The following SYNE1 variants were observed in gnomAD, a reference collection of about 807,000 sequenced individuals.
SYNE1 encodes spectrin repeat containing nuclear envelope protein 1, also known as nesprin-1.
In SYNE1, 616 loss-of-function variants were observed where a neutral mutation model predicts 1,111.0. The ratio of observed to expected loss-of-function variants is 0.55; its 90% CI spans 0.52 to 0.59. The LOEUF is 0.59. Ranked by LOEUF, SYNE1 falls within the 20% of genes least tolerant of loss-of-function variation. The pLI is 0.00. For missense variants in SYNE1, 10,006 were observed against 10,417.0 expected (o/e 0.96, Z 1.72); for synonymous variants, 3,855 against 3,825.8 (o/e 1.01, Z -0.28).
intron 77 of SYNE1, among the ~76,000 whole-genome samples, chr6:152,332,593 A>C (rs1340226333): frequency 6.6e-6 from 1 of 152,212 alleles, no homozygotes; most frequent in African/African-American, 2.4e-5. Context: ...TGATACTGAA[A>C]GAAATTAATA....
chr6:152,482,174 C>T lies in SYNE1; in HGVS notation c.1350+911G>A, dbSNP rs80293569. Among the ~76,000 whole-genome samples the T allele has an allele frequency of 4.3e-3, 649 of 152,120 alleles. 8 individuals are homozygous for T. Among genetic ancestry groups the T allele is most frequent in the African/African-American group, 0.015 (617 of 41,492 alleles). On this transcript the variant is annotated intron_variant, in intron 14 of 145. Coordinates refer to ENST00000367255, the MANE Select transcript of SYNE1 (RefSeq NM_182961.4). ...TCTGTCAAGTTGAAATGGCCAAGAT[C>T]GGCAATGGCATCACATCTCTGTGTC...
intron 137 of SYNE1, chr6:152,145,383 C>T: frequency 1.8e-6 from 2 of 1,105,350 alleles, no homozygotes; most frequent in South Asian, 1.3e-5. Flanking sequence ...TGTGCCTTAA[C>T]ATGCTAGAGC....
rs372944393 is a variant in SYNE1 at position 152,294,117 on chromosome 6, T to C, written c.17693A>G (p.Tyr5898Cys). ...CCTCTCAGCAGACAAGGCTTGGTAA[T>C]ATGCAATGTCCTGTGAGTGCAAAGC... Reference protein sequence around the residue: ...TDASVNQDIAYYQALSAERLQ... With the variant: ...TDASVNQDIACYQALSAERLQ... Residue 5898 changes from tyrosine to cysteine, a missense_variant, in exon 94 of 146, where the codon TAT (tyrosine) becomes TGT (cysteine). Physicochemically the swap from Tyr to Cys is radical, Grantham distance 194. Coordinates refer to ENST00000367255, the MANE Select transcript of SYNE1 (RefSeq NM_182961.4). 2 of 1,613,644 alleles carry C rather than the reference T, an allele frequency of 1.2e-6. No individual in the cohort carries two copies. Among genetic ancestry groups the C allele is most frequent in the Middle Eastern group, 1.8e-4 (1 of 5,714 alleles).
At chr6:152,241,680 G>A (rs1185378361) in intron 107 of SYNE1, among the ~76,000 whole-genome samples, 1 of 152,158 alleles carries the variant, frequency 6.6e-6, no homozygotes, top group Non-Finnish European at 1.5e-5. Context: ...ACAGCAACTA[G>A]AGGAGCATAT....
intron 73 of SYNE1, among the ~76,000 whole-genome samples, chr6:152,345,353 T>A (rs1027886836): frequency 6.6e-6 from 1 of 152,196 alleles, no homozygotes; most frequent in Non-Finnish European, 1.5e-5. Context: ...ATGTGTAGCC[T>A]CATTTTCTCT....
At position 152,260,898 on chromosome 6, in the gene SYNE1, C is replaced by T. The variant is rs138757320; in HGVS notation, c.18972+1134G>A. ...CAGGCAGTAATGCTCACCTGCCTGC[C>T]GCTCACCTCTTGCTGTGAGGTCCAG... On this transcript the variant is annotated intron_variant, in intron 101 of 145. Coordinates refer to ENST00000367255, the MANE Select transcript of SYNE1 (RefSeq NM_182961.4). 1.4e-3 allele frequency among the ~76,000 whole-genome samples: 206 copies of T among 152,152 alleles called. 3 individuals are homozygous for T. The highest frequency in any genetic ancestry group is 4.7e-3 in the African/African-American group (196 of 41,506).
Position 152,353,592 on chromosome 6 carries a change from C to T in SYNE1, c.11079G>A (p.Val3693=). 1 of 1,614,210 alleles carries T rather than the reference C, an allele frequency of 6.2e-7. No individual in the cohort carries two copies. The highest frequency in any genetic ancestry group is 8.5e-7 in the Non-Finnish European group (1 of 1,180,030). ...GAGCACCTGGTGACCCACTCACCAG[C>T]ACTTGGAGAAGCAGGGCCTGGTATC... ...TSRYQALLLQ[V]LEQIKFLEEE... Residue 3693 remains valine, a synonymous_variant, in exon 68 of 146, where the codon GTG becomes GTA. Transcript: ENST00000367255.
chr6:152,411,655 CTGAGCACAGTGCCTA>C (rs149199357), intron 42 of SYNE1, among the ~76,000 whole-genome samples: 2,096 of 152,066 alleles, frequency 0.014, 46 homozygotes, highest in African/African-American at 0.048. Flanking sequence ...TGTGCCAATT[CTGAGCACAGTGCCTA>C]TGAGTTAGTT....
chr6:152,432,269 T>C (rs530253016), intron 34 of SYNE1, among the ~76,000 whole-genome samples: 25 of 152,174 alleles, frequency 1.6e-4, no homozygotes, highest in Non-Finnish European at 2.9e-4. Flanking sequence ...CTTTTAATCC[T>C]AAGATCGTTT....
chr6:152,584,026 A>G (rs1236512602), intron 3 of SYNE1, among the ~76,000 whole-genome samples: 1 of 152,218 alleles, frequency 6.6e-6, no homozygotes, highest in Non-Finnish European at 1.5e-5. Flanking sequence ...GGGGTTATGA[A>G]CAGAAGCTCT....
rs748695956 is a variant in SYNE1 at position 152,330,473 on chromosome 6, C to CT, written c.14211dup (p.Glu4738ArgfsTer34). On this transcript the variant is annotated frameshift_variant, in exon 78 of 146. Transcript: ENST00000367255. LOFTEE classifies it high-confidence loss of function. ...GGCTGACCTGTGCTGCGAAAACCTT[C>CT]TTTTTTCTGGTTCAGTTCATCCACC... The CT allele has an allele frequency of 1.9e-6, 3 of 1,614,032 alleles. No homozygotes were observed. The highest frequency in any genetic ancestry group is 8.5e-7 in the Non-Finnish European group (1 of 1,180,036).
In SYNE1 at chr6:152,226,728, T is replaced by G. The variant is rs115063485; in HGVS notation, c.21196-852A>C. Among the ~76,000 whole-genome samples, 312 of 152,256 alleles carry G rather than the reference T, an allele frequency of 2.0e-3. 1 individual carries two copies. The highest frequency in any genetic ancestry group is 7.2e-3 in the African/African-American group (300 of 41,560). Reference sequence around the variant, plus strand: ...GAAGATCAAGTCATCCGACCTGTCTTGGGTAAAAGAGCTGGTGAGGGATGG... The same window carrying G: ...GAAGATCAAGTCATCCGACCTGTCTGGGGTAAAAGAGCTGGTGAGGGATGG... On this transcript the variant is annotated intron_variant, in intron 115 of 145. Transcript: ENST00000367255.
At chr6:152,595,237 C>A (rs2099577603) in intron 3 of SYNE1, among the ~76,000 whole-genome samples, 1 of 152,210 alleles carries the variant, frequency 6.6e-6, no homozygotes, top group South Asian at 2.1e-4. Flanking sequence ...AAACACATAT[C>A]CTCACCCTTG....
At chr6:152,369,951 C>T (rs2097149603) in intron 59 of SYNE1, among the ~76,000 whole-genome samples, 1 of 134,244 alleles carries the variant, frequency 7.4e-6, no homozygotes, top group Admixed American at 8.4e-5. Context: ...CCACTGCACT[C>T]CAGCCTGGGT....
chr6:152,337,509 G>A (rs894425704), intron 75 of SYNE1, among the ~76,000 whole-genome samples: 5 of 152,116 alleles, frequency 3.3e-5, no homozygotes, highest in African/African-American at 9.7e-5. Context: ...GGCTGGTCTC[G>A]AACTCCCAAC....
chr6:152,387,403 A>T, intron 53 of SYNE1, 22 bp from the exon 54 acceptor site: 1 of 1,610,942 alleles, frequency 6.2e-7, no homozygotes, highest in Non-Finnish European at 8.5e-7. Context: ...GTCACATATT[A>T]ACAAAAATGA....
chr6:152,599,278 C>T (rs1296507268), intron 3 of SYNE1, among the ~76,000 whole-genome samples: 3 of 152,168 alleles, frequency 2.0e-5, no homozygotes, highest in African/African-American at 7.2e-5. Context: ...CTAGTAAGTG[C>T]TTGGAATACA....
At chr6:152,492,775 TTAATCAA>T (rs1378744783) in intron 11 of SYNE1, among the ~76,000 whole-genome samples, 1 of 152,200 alleles carries the variant, frequency 6.6e-6, no homozygotes, top group Non-Finnish European at 1.5e-5. Context: ...CATACCCTTC[TTAATCAA>T]TACGGAGGCT....
In SYNE1 at chr6:152,502,589, G is replaced by A. The variant is rs377277976; in HGVS notation, c.888+44C>T. The A allele has an allele frequency of 3.5e-6, 5 of 1,440,006 alleles. No homozygotes were observed. In the African/African-American group the frequency reaches 5.6e-5, roughly 16 times the overall value. 89.2% of individuals were successfully genotyped at this position (1,440,006 alleles called of 1,614,324 possible). On this transcript the variant is annotated intron_variant, in intron 10 of 145. Coordinates refer to ENST00000367255, the MANE Select transcript of SYNE1 (RefSeq NM_182961.4). ...AGTATACTCAAAAAGCTGAGTCACT[G>A]TCATTGCATATACCAGTGATACTTG...
Sources: allele counts gnomAD v4.1 joint callset (sites outside exome capture counted in the v4.1 genomes callset), GRCh38; gene constraint gnomAD v4.1.1; transcripts MANE v1.5; gene names NCBI Gene and HGNC (gene_info 2026-07-23, HGNC 2026-07-21).